Variants in NAPSA observed in about 807,000 individuals in gnomAD.
The protein encoded by NAPSA is napsin A aspartic peptidase.
NAPSA carries 37 observed loss-of-function variants against 36.7 expected under a neutral mutation model. The observed-to-expected ratio is 1.01, with a 90% CI of 0.78 to 1.33. The LOEUF is 1.33. Among genes scored for constraint, NAPSA ranks in the 40% most tolerant of loss-of-function variants. The pLI is 0.00. For synonymous variants in NAPSA, 222 were observed against 234.5 expected (o/e 0.95, Z 0.49); for missense variants, 532 against 543.8 (o/e 0.98, Z 0.21).
intron 5 of NAPSA, 53 bp from the exon 6 acceptor site, chr19:50,359,915 C>T: frequency 6.3e-7 from 1 of 1,583,698 alleles, no homozygotes; most frequent in Non-Finnish European, 8.6e-7. Flanking sequence ...GGCCCTCCCT[C>T]AGCCCTAGGT....
chr19:50,364,177 C>T (rs539619840), intron 1 of NAPSA, among the ~76,000 whole-genome samples: 4 of 151,854 alleles, frequency 2.6e-5, no homozygotes, highest in Non-Finnish European at 4.4e-5. Flanking sequence ...AAAAATTAGC[C>T]GGGCATGGTG....
intron 5 of NAPSA, among the ~76,000 whole-genome samples, chr19:50,360,706 G>A (rs563171599): frequency 6.6e-6 from 1 of 152,316 alleles, no homozygotes; most frequent in Admixed American, 6.5e-5. Context: ...TATGTCTTAA[G>A]TTGTCATTTA....
At chr19:50,369,221 G>T (rs12973563), upstream of NAPSA, 4 of 152,318 alleles carry the variant, frequency 2.6e-5, no homozygotes, top group Non-Finnish European at 4.4e-5. Flanking sequence ...GGGCTGCTGC[G>T]GTGCAGCAAG....
At chr19:50,358,950 A>C in intron 8 of NAPSA, 61 bp downstream of exon 8, 4 of 1,468,946 alleles carry the variant, frequency 2.7e-6, no homozygotes, top group Non-Finnish European at 3.8e-6. Flanking sequence ...GACGTCTCTC[A>C]GCTCTACCCT....
intron 8 of NAPSA, 71 bp from the exon 9 acceptor site, chr19:50,358,851 T>TC (rs1460225943): frequency 7.0e-5 from 99 of 1,417,980 alleles, no homozygotes; most frequent in African/African-American, 1.0e-4. Flanking sequence ...AGCCCGTCCA[T>TC]CCCCCCCACC....
At chr19:50,365,011 A>AAATAAT (rs112903812) in intron 1 of NAPSA, among the ~76,000 whole-genome samples, 113 of 140,624 alleles carry the variant, frequency 8.0e-4, no homozygotes, top group Middle Eastern at 3.8e-3. Context: ...TAATAATAAT[A>AAATAAT]AATAATAATA....
chr19:50,361,137 C>T lies in NAPSA; in HGVS notation c.472G>A (p.Gly158Ser). Residue 158 changes from glycine (G) to serine (S), a missense_variant, in exon 5 of 9, where the codon GGT becomes AGT. Transcript: ENST00000253719. Reference sequence around the variant, plus strand: ...ATCACTGATGCACCCTTGATTCCACCAATCTAGGGGTAGATTGAGATGTGA... The same window carrying T: ...ATCACTGATGCACCCTTGATTCCACTAATCTAGGGGTAGATTGAGATGTGA... ...GILSEDKLTIGGIKGASVIFG... is the reference protein window; with the variant it reads ...GILSEDKLTISGIKGASVIFG... The T allele has an allele frequency of 6.2e-7, 1 of 1,612,480 alleles. No individual in the cohort carries two copies. Among genetic ancestry groups the T allele is most frequent in the Non-Finnish European group, 8.5e-7 (1 of 1,178,950 alleles).
chr19:50,359,872 CAG>C lies in NAPSA; in HGVS notation c.669-12_669-11del. ...AGGCTCTTCAGGGTCCCTGCAGGGG[CAG>C]AGTGTAGAGAGTGTAGATGTCAGTG... On this transcript the variant is annotated splice_polypyrimidine_tract_variant and intron_variant, in intron 5 of 8. Coordinates refer to ENST00000253719, the MANE Select transcript of NAPSA (RefSeq NM_004851.3). 1 of 1,613,196 alleles carries C rather than the reference CAG, an allele frequency of 6.2e-7. No individual in the cohort carries two copies. The highest frequency in any genetic ancestry group is 8.5e-7 in the Non-Finnish European group (1 of 1,179,468).
chr19:50,360,379 T>C (rs2037456285), intron 5 of NAPSA, among the ~76,000 whole-genome samples: 1 of 152,164 alleles, frequency 6.6e-6, no homozygotes, highest in East Asian at 1.9e-4. Context: ...GTGGGTTGGA[T>C]GTCAGGGTAA....
In NAPSA at chr19:50,362,216, G is replaced by A; in HGVS notation, c.181C>T (p.Pro61Ser). 6.2e-7 allele frequency: 1 copy of A among 1,614,064 alleles called. No homozygotes were observed. Among genetic ancestry groups the A allele is most frequent in the Non-Finnish European group, 8.5e-7 (1 of 1,179,984 alleles). ...GGTACGAAGATGGGCTTGTCCCCAG[G>A]GGATGGGGCCCCCAACTTGGGGAGC... ...AELPKLGAPS[P>S]GDKPIFVPLS... The change falls in exon 2 of 9, where the codon CCT becomes TCT. Residue 61 changes from proline to serine, a missense_variant. Transcript: ENST00000253719.
intron 8 of NAPSA, 81 bp downstream of exon 8, chr19:50,358,930 C>G (rs1199766533): frequency 1.4e-6 from 2 of 1,398,352 alleles, no homozygotes; most frequent in African/African-American, 1.4e-5. Flanking sequence ...TGGCCCCTTC[C>G]CTTCCTAGTG....
At chr19:50,361,619 G>C in intron 4 of NAPSA, 44 bp downstream of exon 4, 1 of 1,503,190 alleles carries the variant, frequency 6.7e-7, no homozygotes, top group Non-Finnish European at 9.3e-7. Flanking sequence ...TAGACAATGG[G>C]GTTCTCCCAG....
Position 50,359,740 on chromosome 19 carries a change from C to A in NAPSA, c.791G>T (p.Arg264Leu), listed in dbSNP as rs749576537. The A allele has an allele frequency of 6.2e-7, 1 of 1,614,096 alleles. No homozygotes were observed. Among genetic ancestry groups the A allele is most frequent in the Admixed American group, 1.7e-5 (1 of 59,996 alleles). The change falls in exon 6 of 9, where the codon CGT becomes CTT. Residue 264 changes from arginine (R) to leucine (L), a missense_variant and splice_region_variant. This residue lies in a region of NAPSA where 385 missense variants were observed against 371.5 expected (regional missense o/e 1.04). Transcript: ENST00000253719. ...VPAYWQIHME[R>L]VKVGPGLTLC... ...AGAGCCAGGAGACCAAGTCCCTCAC[C>A]GCTCCATGTGGATCTGCCAGTAGGC...
At chr19:50,367,457 G>C (rs977608698), upstream of NAPSA, among the ~76,000 whole-genome samples, 10 of 152,186 alleles carry the variant, frequency 6.6e-5, no homozygotes, top group African/African-American at 2.2e-4. Context: ...AGTGGTCTTA[G>C]ATAAGATCCA....
intron 5 of NAPSA, among the ~76,000 whole-genome samples, chr19:50,360,465 T>C (rs1601124279): frequency 6.6e-6 from 1 of 152,148 alleles, no homozygotes; most frequent in South Asian, 2.1e-4. Flanking sequence ...TGGAAACTTC[T>C]TGGATGTTGG....
upstream of NAPSA, among the ~76,000 whole-genome samples, chr19:50,366,664 T>TATTTA (rs1439082021): frequency 1.3e-5 from 2 of 150,664 alleles, no homozygotes; most frequent in African/African-American, 4.9e-5. Context: ...TTTATTTATT[T>TATTTA]ATTTATTTAT....
At chr19:50,365,841 C>G, upstream of NAPSA, 1 of 437,230 alleles carries the variant, frequency 2.3e-6, no homozygotes, top group Non-Finnish European at 4.1e-6. Flanking sequence ...GTGCTCCTCA[C>G]TCCCTACTTG....
intron 8 of NAPSA, 97 bp downstream of exon 8, chr19:50,358,914 T>C (rs1250851727): frequency 2.2e-6 from 3 of 1,351,778 alleles, no homozygotes; most frequent in South Asian, 1.3e-5. Context: ...AAAAGAAATG[T>C]TTCTGTGGCC....
upstream of NAPSA, chr19:50,365,654 TG>T (rs1237594185): frequency 6.4e-7 from 1 of 1,565,526 alleles, no homozygotes; most frequent in East Asian, 2.3e-5. Flanking sequence ...CCAGGTGTCC[TG>T]GGGCCTCATT....
Sources: allele counts gnomAD v4.1 joint callset (sites outside exome capture counted in the v4.1 genomes callset), GRCh38; gene constraint gnomAD v4.1.1; regional missense constraint gnomAD v4.1.1; transcripts MANE v1.5; gene names NCBI Gene and HGNC (gene_info 2026-07-23, HGNC 2026-07-21).